Variants in MAN2A1 observed in about 807,000 individuals in gnomAD.
The protein encoded by MAN2A1 is alpha-mannosidase 2.
MAN2A1 carries 76 observed loss-of-function variants against 142.6 expected under a neutral mutation model. The observed-to-expected ratio is 0.53, with a 90% confidence interval of 0.44 to 0.65. The LOEUF (loss-of-function observed/expected upper bound fraction) is 0.65. Ranked by LOEUF, MAN2A1 falls within the 30% of genes least tolerant of loss-of-function variation. The probability of loss-of-function intolerance (pLI) is 0.00; values close to 1 mark genes in which losing one functional copy is unlikely to be tolerated. For missense variants in MAN2A1, 1,311 were observed against 1,365.1 expected, an observed-to-expected ratio of 0.96 and a Z score of 0.62; for synonymous variants, 559 against 473.2, an observed-to-expected ratio of 1.18 and a Z score of -2.35.
At chr5:109,839,159 A>T (rs960725771) in intron 16 of MAN2A1, among the ~76,000 whole-genome samples, 19 of 152,192 alleles carry the variant, frequency 1.2e-4, no homozygotes, top group African/African-American at 4.6e-4. Context: ...GTATTACGTG[A>T]ATACTATCAT....
At chr5:109,771,305 A>T (rs952565024) in intron 7 of MAN2A1, among the ~76,000 whole-genome samples, 9 of 152,168 alleles carry the variant, frequency 5.9e-5, no homozygotes, top group African/African-American at 2.2e-4. Context: ...TAAATAAATT[A>T]AATAAATTTA....
intron 8 of MAN2A1, 142 bp from the exon 9 acceptor site, chr5:109,781,254 G>T: frequency 1.9e-6 from 1 of 525,248 alleles, no homozygotes; most frequent in Non-Finnish European, 3.2e-6. Context: ...CCCTGCTTCT[G>T]ATTTTTATAA....
intron 1 of MAN2A1, among the ~76,000 whole-genome samples, chr5:109,701,299 A>G (rs987221443): frequency 7.9e-5 from 12 of 152,230 alleles, no homozygotes; most frequent in African/African-American, 2.9e-4. Context: ...TGAAGGGAGA[A>G]AGAAAATTGC....
At chr5:109,715,007 A>AT (rs1751413285) in intron 2 of MAN2A1, among the ~76,000 whole-genome samples, 1 of 151,360 alleles carries the variant, frequency 6.6e-6, no homozygotes, top group Non-Finnish European at 1.5e-5. Flanking sequence ...AAAAAAAAAA[A>AT]TTATTTTTGT....
chr5:109,696,090 A>G (rs1750803080), intron 1 of MAN2A1, among the ~76,000 whole-genome samples: 1 of 151,866 alleles, frequency 6.6e-6, no homozygotes, highest in African/African-American at 2.4e-5. Context: ...GGTGGATAGT[A>G]GGTATCTAGT....
rs751519865 is a variant in MAN2A1 at position 109,774,804 on chromosome 5, G to C, written c.1213G>C (p.Asp405His). Residue 405 changes from aspartate to histidine, a missense_variant, in exon 8 of 22, where the codon GAT (aspartate) becomes CAT (histidine). Around this residue, in one of 3 missense-constraint regions of MAN2A1, gnomAD observed 890 missense variants for 920.5 expected, o/e 0.97. Transcript: ENST00000261483. ...NVQSRARMLLDQYRKKSKLFR... is the reference protein window; with the variant it reads ...NVQSRARMLLHQYRKKSKLFR... ...TTTTTGTAGGGCTCGGATGCTACTA[G>C]ATCAGTACCGAAAGAAGTCAAAGCT... 2 of 1,611,356 alleles carry C rather than the reference G, an allele frequency of 1.2e-6. No individual in the cohort carries two copies. Among genetic ancestry groups the C allele is most frequent in the South Asian group, 2.2e-5 (2 of 90,724 alleles).
intron 16 of MAN2A1, among the ~76,000 whole-genome samples, chr5:109,837,324 T>C (rs1755082830): frequency 6.6e-6 from 1 of 151,982 alleles, no homozygotes; most frequent in Non-Finnish European, 1.5e-5. Context: ...TCTTGTGCTT[T>C]ATTTCACTCA....
Position 109,755,218 on chromosome 5 carries a change from A to G in MAN2A1, c.708-111A>G, listed in dbSNP as rs143838860. On this transcript the variant is annotated intron_variant, in intron 4 of 21. Coordinates refer to ENST00000261483, the MANE Select transcript of MAN2A1 (RefSeq NM_002372.4). The stretch of plus-strand genomic sequence containing the variant: ...TTAAACACATTTTTTGACAACTAGT[A>G]TACATACTGGTTATATTTAAAGGCT... 3.7e-3 allele frequency: 3,007 copies of G among 809,216 alleles called. 26 individuals carry two copies. The highest frequency in any genetic ancestry group is 3.1e-3 in the Non-Finnish European group (1,534 of 498,880). The allele number at this position is 809,216 out of a possible 1,614,324, so 50.1% of individuals were successfully genotyped here.
chr5:109,743,515 G>A (rs978106024), intron 4 of MAN2A1, among the ~76,000 whole-genome samples: 1 of 152,016 alleles, frequency 6.6e-6, no homozygotes, highest in African/African-American at 2.4e-5. Flanking sequence ...TGTGGAAATA[G>A]GACCCAAGCC....
intron 5 of MAN2A1, among the ~76,000 whole-genome samples, chr5:109,766,075 TTG>T (rs763405196): frequency 1.3e-5 from 2 of 152,096 alleles, no homozygotes; most frequent in African/African-American, 2.4e-5. Flanking sequence ...GTTGGAAAAT[TTG>T]TGTATGTTTG....
chr5:109,781,626 T>C (rs1753459998), intron 9 of MAN2A1, 28 bp downstream of exon 9: 1 of 1,447,700 alleles, frequency 6.9e-7, no homozygotes, highest in Non-Finnish European at 9.4e-7. Context: ...TAGCTACATG[T>C]ATTTTTTCAC....
At chr5:109,841,254 T>C (rs1755195814) in intron 16 of MAN2A1, among the ~76,000 whole-genome samples, 1 of 152,208 alleles carries the variant, frequency 6.6e-6, no homozygotes, top group African/African-American at 2.4e-5. Context: ...ACCTGAGCAG[T>C]ATACACTGCA....
intron 1 of MAN2A1, among the ~76,000 whole-genome samples, chr5:109,696,778 A>G (rs1750824632): frequency 1.3e-5 from 2 of 152,212 alleles, no homozygotes; most frequent in Admixed American, 1.3e-4. Flanking sequence ...ACATGTCGTT[A>G]GCACTTCTGT....
In MAN2A1 at chr5:109,817,255, A is replaced by T. The variant is rs1246891727; in HGVS notation, c.1944-18A>T. The stretch of plus-strand genomic sequence containing the variant: ...AAAATATTTTGAGATCCCAATAATG[A>T]AGCAGCTGTTTTTGCAGGTACCTTG... On this transcript the variant is annotated intron_variant, in intron 12 of 21. Coordinates refer to ENST00000261483, the MANE Select transcript of MAN2A1 (RefSeq NM_002372.4). 1.9e-6 allele frequency: 3 copies of T among 1,611,424 alleles called. No homozygotes were observed. The highest frequency in any genetic ancestry group is 2.2e-5 in the East Asian group (1 of 44,838).
intron 19 of MAN2A1, among the ~76,000 whole-genome samples, chr5:109,851,619 T>G (rs1755484183): frequency 6.6e-6 from 1 of 152,212 alleles, no homozygotes; most frequent in Admixed American, 6.5e-5. Context: ...GTGAGCTGAA[T>G]AAACTTCTTT....
At chr5:109,811,251 A>G (rs1296308400) in intron 12 of MAN2A1, among the ~76,000 whole-genome samples, 1 of 151,974 alleles carries the variant, frequency 6.6e-6, no homozygotes, top group African/African-American at 2.4e-5. Flanking sequence ...TTGCTCATCT[A>G]TTATTAAGGA....
rs1038465987 is a variant in MAN2A1 at position 109,818,630 on chromosome 5, G to A, written c.2110-1039G>A. ...ATTATGTTTATCATTTTTATTAACC[G>A]AAATATCATAATATTGCAAAAAAAA... On this transcript the variant is annotated intron_variant, in intron 13 of 21. Coordinates refer to ENST00000261483, the MANE Select transcript of MAN2A1 (RefSeq NM_002372.4). Among the ~76,000 whole-genome samples the A allele has an allele frequency of 1.7e-4, 26 of 152,004 alleles. No homozygotes were observed. In the Middle Eastern group the frequency reaches 0.01, roughly 60 times the overall value.
rs978745569 is a variant in MAN2A1 at position 109,865,137 on chromosome 5, T to G, written c.3273T>G (p.Thr1091=). The change falls in exon 21 of 22, where the codon ACT becomes ACG. Residue 1091 remains threonine (T), a synonymous_variant. Transcript: ENST00000261483. The part of the protein sequence containing the change: ...SKGTGLFCST[T]QGKILVQKLL... ...GCACAGGGCTGTTTTGTTCTACTAC[T>G]CAGGGAAAGGTAAGTTGAAAAGGTT... The G allele has an allele frequency of 2.5e-6, 4 of 1,612,272 alleles. No individual in the cohort carries two copies. In the African/African-American group the frequency reaches 5.3e-5, roughly 22 times the overall value.
intron 1 of MAN2A1, among the ~76,000 whole-genome samples, chr5:109,712,812 A>G (rs1751338868): frequency 1.3e-5 from 2 of 152,128 alleles, no homozygotes; most frequent in African/African-American, 4.8e-5. Flanking sequence ...TGTACTTGGA[A>G]CCCAGGATAT....
Sources: allele counts gnomAD v4.1 joint callset (sites outside exome capture counted in the v4.1 genomes callset), GRCh38; gene constraint gnomAD v4.1.1; regional missense constraint gnomAD v4.1.1; transcripts MANE v1.5; gene names NCBI Gene and HGNC (gene_info 2026-07-23, HGNC 2026-07-21).